Variants in CAPN9 observed in about 807,000 individuals in gnomAD.
The protein encoded by CAPN9 is calpain 9.
A neutral mutation model predicts 92.8 loss-of-function variants in CAPN9; 81 were observed. That is an observed-to-expected ratio of 0.87 (90% CI 0.73 to 1.05). The LOEUF (loss-of-function observed/expected upper bound fraction) is 1.05, where lower values mean the gene tolerates loss of function less well. CAPN9 is among the 50% of genes least tolerant of loss of function. CAPN9 has a pLI of 0.00. For missense variants in CAPN9, 848 were observed against 866.2 expected (o/e 0.98, Z 0.26); for synonymous variants, 304 against 328.0 (o/e 0.93, Z 0.79).
At chr1:230,765,451 G>A (rs1006691827) in intron 4 of CAPN9, among the ~76,000 whole-genome samples, 1 of 152,154 alleles carries the variant, frequency 6.6e-6, no homozygotes, top group Admixed American at 6.6e-5. Context: ...CTGAGGTCAG[G>A]AGTTCGAGAC....
intron 19 of CAPN9, among the ~76,000 whole-genome samples, chr1:230,801,014 A>C (rs1283559199): frequency 6.6e-6 from 1 of 152,306 alleles, no homozygotes; most frequent in African/African-American, 2.4e-5. Context: ...AAACCATCTC[A>C]TATAATCACG....
chr1:230,795,397 GGT>G (rs1668285850), intron 18 of CAPN9, 118 bp downstream of exon 18: 1 of 668,786 alleles, frequency 1.5e-6, no homozygotes, highest in Non-Finnish European at 2.7e-6. Flanking sequence ...AGAGAGCCAT[GGT>G]CTGATGTGTG....
intron 2 of CAPN9, among the ~76,000 whole-genome samples, chr1:230,757,011 T>TGGAAGGAA (rs1185102067): frequency 0.03 from 2,533 of 85,016 alleles, 41 homozygotes; most frequent in East Asian, 0.059. Context: ...GGAGGGAGGA[T>TGGAAGGAA]GGAAGGAAGG....
chr1:230,748,071 C>T (rs1249884138), intron 1 of CAPN9, among the ~76,000 whole-genome samples: 9 of 152,190 alleles, frequency 5.9e-5, no homozygotes, highest in Non-Finnish European at 1.2e-4. Context: ...ACACTGAGAT[C>T]ACGTTATGCA....
At chr1:230,753,802 C>T (rs1228637875) in intron 1 of CAPN9, among the ~76,000 whole-genome samples, 2 of 152,066 alleles carry the variant, frequency 1.3e-5, no homozygotes, top group Admixed American at 1.3e-4. Context: ...CTCGCTGCCA[C>T]AGGATTGGCT....
intron 2 of CAPN9, among the ~76,000 whole-genome samples, chr1:230,755,933 C>T (rs918833092): frequency 2.6e-5 from 4 of 152,118 alleles, no homozygotes; most frequent in African/African-American, 7.2e-5. Flanking sequence ...CCTGGGGAGC[C>T]GCTCCCCAGC....
intron 1 of CAPN9, among the ~76,000 whole-genome samples, chr1:230,754,132 G>T (rs1665055581): frequency 1.3e-5 from 2 of 151,770 alleles, no homozygotes; most frequent in South Asian, 4.2e-4. Context: ...GGGGCAGGAG[G>T]CTGGGAAGGG....
In CAPN9 at chr1:230,755,389, T is replaced by C. The variant is rs199497674; in HGVS notation, c.266T>C (p.Ile89Thr). 1.9e-6 allele frequency: 3 copies of C among 1,607,818 alleles called. No individual in the cohort carries two copies. The highest frequency in any genetic ancestry group is 2.5e-6 in the Non-Finnish European group (3 of 1,177,442). ...CTTGGAGGGGCCACCAGGACTGATA[T>C]CTGCCAGGGAGAGCTGGGTGAGTGT... ...FILGGATRTD[I>T]CQGELGDCWL... The change falls in exon 2 of 20, where the codon ATC becomes ACC. Residue 89 changes from isoleucine to threonine, a missense_variant. Physicochemically the swap from Ile to Thr is moderately conservative, Grantham distance 89. Coordinates refer to ENST00000271971, the MANE Select transcript of CAPN9 (RefSeq NM_006615.3).
intron 15 of CAPN9, 115 bp from the exon 16 acceptor site, chr1:230,792,311 C>T: frequency 1.2e-6 from 1 of 820,546 alleles, no homozygotes; most frequent in African/African-American, 1.7e-5. Flanking sequence ...GGCCCCAAAC[C>T]TGTGCACCCA....
chr1:230,755,470 G>T, intron 2 of CAPN9, 64 bp downstream of exon 2: 1 of 1,309,150 alleles, frequency 7.6e-7, no homozygotes. Flanking sequence ...GCAAGCAACT[G>T]CAGCATGGGG....
In CAPN9 at chr1:230,801,278, G is replaced by A. The variant is rs186038194; in HGVS notation, c.2047-292G>A. Among the ~76,000 whole-genome samples the A allele has an allele frequency of 1.6e-3, 242 of 152,268 alleles. 1 individual carries two copies. Among genetic ancestry groups the A allele is most frequent in the Non-Finnish European group, 4.9e-4 (33 of 68,014 alleles). The stretch of plus-strand genomic sequence containing the variant: ...ACTGCCCTGCCCAAGATGCTTCAGC[G>A]AGGCTGTCCTCTTAACAGGGAGAAA... On this transcript the variant is annotated intron_variant, in intron 19 of 19. Coordinates refer to ENST00000271971, the MANE Select transcript of CAPN9 (RefSeq NM_006615.3).
chr1:230,783,542 C>G (rs534234380), intron 11 of CAPN9, among the ~76,000 whole-genome samples: 4 of 152,328 alleles, frequency 2.6e-5, no homozygotes, highest in Middle Eastern at 3.4e-3. Context: ...TGTGACATGA[C>G]TCTTCCCCCT....
At chr1:230,790,487 C>T in intron 14 of CAPN9, 1 of 171,802 alleles carries the variant, frequency 5.8e-6, no homozygotes, top group Non-Finnish European at 1.2e-5. Context: ...ACATGTGTGT[C>T]ATATGCGTAG....
At chr1:230,783,243 G>A (rs1196958053) in intron 11 of CAPN9, among the ~76,000 whole-genome samples, 1 of 152,184 alleles carries the variant, frequency 6.6e-6, no homozygotes, top group East Asian at 1.9e-4. Flanking sequence ...CCTTGTTAAA[G>A]TACATTAAAG....
chr1:230,769,978 G>A (rs184456476), intron 6 of CAPN9, among the ~76,000 whole-genome samples: 17 of 152,070 alleles, frequency 1.1e-4, no homozygotes, highest in South Asian at 4.2e-4. Flanking sequence ...GGTTCTTTAC[G>A]TTATCGATAA....
At chr1:230,750,075 AGTCCCAGATCTCT>A (rs1664668547) in intron 1 of CAPN9, among the ~76,000 whole-genome samples, 4 of 152,142 alleles carry the variant, frequency 2.6e-5, no homozygotes, top group Admixed American at 2.6e-4. Context: ...GCGACTCTAG[AGTCCCAGATCTCT>A]GCTCCAAGGG....
At chr1:230,774,728 T>C (rs1558100112) in intron 8 of CAPN9, 97 bp downstream of exon 8, 4 of 725,298 alleles carry the variant, frequency 5.5e-6, no homozygotes, top group African/African-American at 2.0e-5. Flanking sequence ...TTCCTTTTTC[T>C]TTCTTTCTTT....
At chr1:230,769,910 G>T (rs1238773269) in intron 6 of CAPN9, among the ~76,000 whole-genome samples, 5 of 152,010 alleles carry the variant, frequency 3.3e-5, no homozygotes, top group South Asian at 2.1e-4. Flanking sequence ...TCTTTTCTCT[G>T]GCTTATTTAT....
intron 13 of CAPN9, among the ~76,000 whole-genome samples, chr1:230,789,671 C>T (rs1284302426): frequency 6.6e-6 from 1 of 152,132 alleles, no homozygotes; most frequent in Non-Finnish European, 1.5e-5. Context: ...CTCAGGTCCT[C>T]TGATTTCAAG....
Sources: gnomAD v4.1 joint callset for allele counts (sites outside exome capture counted in the v4.1 genomes callset) on GRCh38, gnomAD v4.1.1 for gene constraint, MANE v1.5 for transcripts, NCBI Gene and HGNC (gene_info 2026-07-23, HGNC 2026-07-21) for gene names.